Variants in PI4K2B observed in about 807,000 individuals in gnomAD.
PI4K2B encodes the protein phosphatidylinositol 4-kinase type 2-beta.
A neutral mutation model predicts 56.6 loss-of-function variants in PI4K2B; 46 were observed. That is an observed-to-expected ratio of 0.81 (90% CI 0.64 to 1.04). The LOEUF (loss-of-function observed/expected upper bound fraction) is 1.04, where lower values mean the gene tolerates loss of function less well. Ranked by LOEUF, PI4K2B falls within the 50% of genes least tolerant of loss-of-function variation. The probability of loss-of-function intolerance (pLI) is 0.00; values close to 1 mark genes in which losing one functional copy is unlikely to be tolerated. For synonymous variants in PI4K2B, 211 were observed against 223.8 expected (o/e 0.94, Z 0.51); for missense variants, 556 against 607.7 (o/e 0.91, Z 0.89).
intron 7 of PI4K2B, among the ~76,000 whole-genome samples, chr4:25,265,449 CTA>C (rs1457567954): frequency 6.6e-6 from 1 of 151,852 alleles, no homozygotes; most frequent in African/African-American, 2.4e-5. Context: ...TTCTTTTCTC[CTA>C]TTATGTTCAT....
At chr4:25,256,850 A>T (rs1716280205) in intron 4 of PI4K2B, among the ~76,000 whole-genome samples, 176 bp downstream of exon 4, 1 of 151,644 alleles carries the variant, frequency 6.6e-6, no homozygotes, top group African/African-American at 2.4e-5. Context: ...GATGACGGTA[A>T]GTTCAGGGAG....
At position 25,277,744 on chromosome 4, in the gene PI4K2B, G is replaced by A. The variant is rs1339480525; in HGVS notation, c.*557G>A. The stretch of plus-strand genomic sequence containing the variant: ...AAAATTATATCTTGGCTAAGTAATA[G>A]AGGACCATTTTGGTTTTTGTACTTG... On this transcript the variant is annotated 3_prime_UTR_variant, in exon 10 of 10. Transcript: ENST00000264864. The A allele has an allele frequency of 6.6e-6, 1 of 152,182 alleles. No individual in the cohort carries two copies. The highest frequency in any genetic ancestry group is 1.5e-5 in the Non-Finnish European group (1 of 68,018). The allele number at this position is 152,182 out of a possible 1,614,324, so 9.4% of individuals were successfully genotyped here.
Position 25,256,673 on chromosome 4 carries a change from A to T in PI4K2B, c.755A>T (p.Lys252Met). 1 of 1,613,066 alleles carries T rather than the reference A, an allele frequency of 6.2e-7. No homozygotes were observed. The highest frequency in any genetic ancestry group is 1.7e-4 in the Middle Eastern group (1 of 6,054). ...RKFHRIGLPPKIGSFQLFVEG... is the reference protein window; with the variant it reads ...RKFHRIGLPPMIGSFQLFVEG... ...TTTCATAGGATAGGACTCCCTCCTA[A>T]GGTAAGTTTCTCTGATAAGCTGTAT... The change falls in exon 4 of 10, where the codon AAG becomes ATG. Residue 252 changes from lysine to methionine, a missense_variant and splice_region_variant. By Grantham distance (95) the Lys-to-Met change is moderately conservative (BLOSUM62 -1). Coordinates refer to ENST00000264864, the MANE Select transcript of PI4K2B (RefSeq NM_018323.4).
Position 25,234,347 on chromosome 4 carries a change from G to A in PI4K2B, c.184G>A (p.Glu62Lys), listed in dbSNP as rs1560362338. The A allele has an allele frequency of 2.1e-6, 3 of 1,410,180 alleles. No individual in the cohort carries two copies. Among genetic ancestry groups the A allele is most frequent in the Admixed American group, 2.7e-5 (1 of 37,368 alleles). The allele number at this position is 1,410,180 out of a possible 1,614,324, so 87.4% of individuals were successfully genotyped here. Residue 62 changes from glutamate to lysine, a missense_variant, in exon 1 of 10, where the codon GAG becomes AAG. Transcript: ENST00000264864. ...CGGGGAGGAGGGCGAGGCCGGCGAC[G>A]AGGAGCTGCCCCTCCCGCCCGGGGA... Reference protein sequence around the residue: ...AAGEEGEAGDEELPLPPGDVG... With the variant: ...AAGEEGEAGDKELPLPPGDVG...
intron 1 of PI4K2B, among the ~76,000 whole-genome samples, chr4:25,250,838 T>G (rs1241187632): frequency 6.6e-6 from 1 of 151,998 alleles, no homozygotes; most frequent in African/African-American, 2.4e-5. Flanking sequence ...TGGCAAGAGG[T>G]GGTTGGATTC....
At chr4:25,261,300 T>C (rs534001631) in intron 6 of PI4K2B, among the ~76,000 whole-genome samples, 17 of 152,294 alleles carry the variant, frequency 1.1e-4, no homozygotes, top group Middle Eastern at 3.4e-3. Flanking sequence ...AAAAAAAGTA[T>C]TAAATACTTT....
intron 1 of PI4K2B, among the ~76,000 whole-genome samples, chr4:25,235,569 C>T (rs564111309): frequency 2.0e-5 from 3 of 152,234 alleles, no homozygotes; most frequent in African/African-American, 4.8e-5. Flanking sequence ...TAACCAACGT[C>T]TGCTCCCGTT....
rs560764145 is a variant in PI4K2B, at chr4:25,242,025, G to A, written c.268+7594G>A. 2.8e-4 allele frequency among the ~76,000 whole-genome samples: 42 copies of A among 152,266 alleles called. 1 individual carries two copies. Among genetic ancestry groups the A allele is most frequent in the Middle Eastern group, 3.4e-3 (1 of 294 alleles). On this transcript the variant is annotated intron_variant, in intron 1 of 9. Transcript: ENST00000264864. Reference sequence around the variant, plus strand: ...CAGGGATGCATAGTCAGCAAAAGCCGGTAATTCCAAGGAACCCACTTAACT... The same window carrying A: ...CAGGGATGCATAGTCAGCAAAAGCCAGTAATTCCAAGGAACCCACTTAACT...
chr4:25,277,139 C>A lies in PI4K2B; in HGVS notation c.1398C>A (p.Ser466=). 6.2e-7 allele frequency: 1 copy of A among 1,613,712 alleles called. No individual in the cohort carries two copies. The highest frequency in any genetic ancestry group is 8.5e-7 in the Non-Finnish European group (1 of 1,179,730). Residue 466 remains serine, a synonymous_variant, in exon 10 of 10, where the codon TCC becomes TCA. Transcript: ENST00000264864. The part of the protein sequence containing the change: ...SQGRIVHLSN[S]FTQTVNCRKP... ...GTCGGATTGTCCACCTGAGCAATTC[C>A]TTTACCCAGACTGTCAATTGCAGGA...
intron 1 of PI4K2B, among the ~76,000 whole-genome samples, chr4:25,247,464 C>T (rs1195214573): frequency 1.3e-5 from 2 of 152,204 alleles, no homozygotes; most frequent in Non-Finnish European, 1.5e-5. Flanking sequence ...GATGCCTGTT[C>T]ACCTGCCCTA....
intron 1 of PI4K2B, among the ~76,000 whole-genome samples, chr4:25,238,988 C>G (rs990966683): frequency 6.6e-6 from 1 of 152,122 alleles, no homozygotes; most frequent in Non-Finnish European, 1.5e-5. Flanking sequence ...CTGATTGGTG[C>G]GTTTACAATC....
At chr4:25,236,897 G>C (rs755618172) in intron 1 of PI4K2B, among the ~76,000 whole-genome samples, 2 of 152,196 alleles carry the variant, frequency 1.3e-5, no homozygotes, top group African/African-American at 4.8e-5. Context: ...GTTCATGATT[G>C]AGTAATTTAA....
At chr4:25,276,404 C>T (rs75770738) in intron 9 of PI4K2B, 6,697 of 248,896 alleles carry the variant, frequency 0.027, 133 homozygotes, top group African/African-American at 0.069. Flanking sequence ...AATTCTCTAA[C>T]CTATTTGCCC....
intron 4 of PI4K2B, 147 bp from the exon 5 acceptor site, chr4:25,258,890 C>A: frequency 6.5e-6 from 3 of 463,556 alleles, no homozygotes; most frequent in Non-Finnish European, 1.2e-5. Context: ...AAATGGTTTT[C>A]TTGATAAATG....
intron 1 of PI4K2B, among the ~76,000 whole-genome samples, chr4:25,244,532 T>A (rs551236729): frequency 1.3e-5 from 2 of 152,254 alleles, no homozygotes; most frequent in South Asian, 2.1e-4. Context: ...TTTTTCCCCA[T>A]CAGAGAGAGA....
Position 25,234,058 on chromosome 4 carries a change from G to A in PI4K2B, c.-106G>A, listed in dbSNP as rs901239445. On this transcript the variant is annotated 5_prime_UTR_variant, in exon 1 of 10. Coordinates refer to ENST00000264864, the MANE Select transcript of PI4K2B (RefSeq NM_018323.4). ...AAGCGTGCCCGTGCGCTGGTGAGGT[G>A]GCGTCCGTTCTACCCGGTCGCTCCC... is the stretch of plus-strand genomic sequence containing the variant. 10 of 980,832 alleles carry A rather than the reference G, an allele frequency of 1.0e-5. No individual in the cohort carries two copies. The highest frequency in any genetic ancestry group is 1.3e-5 in the Non-Finnish European group (10 of 758,940). 60.8% of individuals were successfully genotyped at this position (980,832 alleles called of 1,614,324 possible).
Position 25,260,637 on chromosome 4 carries a change from T to TAC in PI4K2B, c.978+47_978+48insCA, listed in dbSNP as rs749689960. 9.3e-3 allele frequency: 462 copies of TAC among 49,518 alleles called. 1 individual carries two copies. The highest frequency in any genetic ancestry group is 0.031 in the South Asian group (81 of 2,576). The allele number at this position is 49,518 out of a possible 1,614,324, so 3.1% of individuals were successfully genotyped here. ...ATATATATATATATATATATATATA[T>TAC]ATATACACACACACACACACACACA... On this transcript the variant is annotated intron_variant, in intron 6 of 9. Transcript: ENST00000264864.
At chr4:25,261,115 T>C (rs895059796) in intron 6 of PI4K2B, among the ~76,000 whole-genome samples, 1 of 152,156 alleles carries the variant, frequency 6.6e-6, no homozygotes, top group African/African-American at 2.4e-5. Context: ...GAGAAATATA[T>C]GGAATCCCCA....
intron 1 of PI4K2B, among the ~76,000 whole-genome samples, chr4:25,235,866 G>C (rs774496985): frequency 6.6e-6 from 1 of 152,014 alleles, no homozygotes; most frequent in Non-Finnish European, 1.5e-5. Flanking sequence ...AAATCAAAGC[G>C]AGAGGTCAAC....
Sources: gnomAD v4.1 joint callset for allele counts (sites outside exome capture counted in the v4.1 genomes callset) on GRCh38, gnomAD v4.1.1 for gene constraint, MANE v1.5 for transcripts, NCBI Gene and HGNC (gene_info 2026-07-23, HGNC 2026-07-21) for gene names.